Variants in TBC1D14 observed in about 807,000 individuals in gnomAD.
The protein encoded by TBC1D14 is TBC1 domain family member 14, also known as TBC1 domain family, member 14.
In TBC1D14, 26 loss-of-function variants were observed where a neutral mutation model predicts 79.0. That is an observed-to-expected ratio of 0.33 (90% CI 0.24 to 0.46). The LOEUF (loss-of-function observed/expected upper bound fraction) is 0.46, where lower values mean the gene tolerates loss of function less well. TBC1D14 is among the 20% of genes least tolerant of loss of function. The probability of loss-of-function intolerance (pLI) is 1.00; values close to 1 mark genes in which losing one functional copy is unlikely to be tolerated. For missense variants in TBC1D14, 769 were observed against 887.6 expected, an observed-to-expected ratio of 0.87 and a Z score of 1.70; for synonymous variants, 394 against 349.9, an observed-to-expected ratio of 1.13 and a Z score of -1.40.
intron 9 of TBC1D14, chr4:7,007,389 T>C (rs1413020067): frequency 4.6e-6 from 2 of 434,318 alleles, no homozygotes; most frequent in Admixed American, 6.7e-5. Flanking sequence ...AGACCTTCTA[T>C]TCTTTGAGCC....
Position 7,008,410 on chromosome 4 carries a change from T to G in TBC1D14, c.1447-1467T>G, listed in dbSNP as rs182246776. ...CTGTGTCCAAAAGCAGTTAAGGTCATTTATTATTTTTTCTTTTTTGAGACA... is the reference window on the plus strand; with the variant it reads ...CTGTGTCCAAAAGCAGTTAAGGTCAGTTATTATTTTTTCTTTTTTGAGACA... On this transcript the variant is annotated intron_variant, in intron 9 of 13. Transcript: ENST00000409757. 7.8e-4 allele frequency among the ~76,000 whole-genome samples: 119 copies of G among 152,270 alleles called. 1 individual carries two copies. The highest frequency in any genetic ancestry group is 1.1e-3 in the Non-Finnish European group (78 of 68,000).
chr4:6,915,798 A>G (rs917109474), intron 1 of TBC1D14, among the ~76,000 whole-genome samples: 5 of 151,926 alleles, frequency 3.3e-5, no homozygotes, highest in Non-Finnish European at 7.4e-5. Context: ...AGTAGGAATG[A>G]GCTGTGTGGG....
intron 5 of TBC1D14, 188 bp from the exon 6 acceptor site, chr4:6,998,897 T>C (rs1719364107): frequency 1.7e-6 from 1 of 580,420 alleles, no homozygotes; most frequent in African/African-American, 1.9e-5. Context: ...TTTGCAAGCT[T>C]ACTAAAGGGT....
At chr4:6,962,735 A>G (rs985943517) in intron 2 of TBC1D14, among the ~76,000 whole-genome samples, 2 of 151,486 alleles carry the variant, frequency 1.3e-5, no homozygotes, top group Admixed American at 6.6e-5. Context: ...CCCACTGCCC[A>G]TTACCCCTTC....
At chr4:6,969,299 A>C (rs1012375087) in intron 3 of TBC1D14, among the ~76,000 whole-genome samples, 9 of 152,246 alleles carry the variant, frequency 5.9e-5, no homozygotes, top group Non-Finnish European at 1.2e-4. Flanking sequence ...GTTTTTAAAG[A>C]AATCACTTTA....
rs141613084 is a variant in TBC1D14 at position 6,913,018 on chromosome 4, C to T, written c.-18+3067C>T. On this transcript the variant is annotated intron_variant, in intron 1 of 13. Coordinates refer to ENST00000409757, the MANE Select transcript of TBC1D14 (RefSeq NM_020773.3). ...TATTCTATTCTATTTTTTGAGACAGCGTTTCGCTCTTGTTGCCCAGGCTGG... is the reference window on the plus strand; with the variant it reads ...TATTCTATTCTATTTTTTGAGACAGTGTTTCGCTCTTGTTGCCCAGGCTGG... 8.4e-3 allele frequency among the ~76,000 whole-genome samples: 1,283 copies of T among 152,222 alleles called. 9 individuals carry two copies. The highest frequency in any genetic ancestry group is 0.029 in the South Asian group (139 of 4,822).
In TBC1D14 at chr4:6,963,578, A is replaced by G. The variant is rs1056510742; in HGVS notation, c.723-3726A>G. On this transcript the variant is annotated intron_variant, in intron 2 of 13. Coordinates refer to ENST00000409757, the MANE Select transcript of TBC1D14 (RefSeq NM_020773.3). ...CCCTTGGCCTCCCGGGCCCGGCCACAGCTACGCCAGGACTCCCGATGGCTT... is the reference window on the plus strand; with the variant it reads ...CCCTTGGCCTCCCGGGCCCGGCCACGGCTACGCCAGGACTCCCGATGGCTT... 4.3e-4 allele frequency among the ~76,000 whole-genome samples: 65 copies of G among 152,192 alleles called. 1 individual carries two copies. The highest frequency in any genetic ancestry group is 2.0e-4 in the Admixed American group (3 of 15,280).
Position 6,915,773 on chromosome 4 carries a change from C to G in TBC1D14, c.-18+5822C>G, listed in dbSNP as rs564597148. ...ATGTTGGCTCTGGGATCTGTATACC[C>G]TCAGGCCATCGTGGAGTAGGAATGA... is the stretch of plus-strand genomic sequence containing the variant. On this transcript the variant is annotated intron_variant, in intron 1 of 13. Coordinates refer to ENST00000409757, the MANE Select transcript of TBC1D14 (RefSeq NM_020773.3). Among the ~76,000 whole-genome samples, 4 of 152,150 alleles carry G rather than the reference C, an allele frequency of 2.6e-5. No individual in the cohort carries two copies. In the South Asian group the frequency reaches 8.3e-4, roughly 32 times the overall value.
intron 12 of TBC1D14, among the ~76,000 whole-genome samples, chr4:7,016,566 T>G (rs1721300280): frequency 6.6e-6 from 1 of 152,240 alleles, no homozygotes; most frequent in Non-Finnish European, 1.5e-5. Context: ...AAGTCAATAG[T>G]GTCTTTCAAA....
rs568664958 is a variant in TBC1D14 at position 6,939,980 on chromosome 4, C to G, written c.722+15869C>G. On this transcript the variant is annotated intron_variant, in intron 2 of 13. Coordinates refer to ENST00000409757, the MANE Select transcript of TBC1D14 (RefSeq NM_020773.3). Reference sequence around the variant, plus strand: ...TACACCAGGCTCCTTGAGAAATGGGCACCAGCGGCCTGTGCCCCTGGCTCC... The same window carrying G: ...TACACCAGGCTCCTTGAGAAATGGGGACCAGCGGCCTGTGCCCCTGGCTCC... Among the ~76,000 whole-genome samples the G allele has an allele frequency of 7.9e-5, 12 of 152,356 alleles. 1 individual carries two copies. The South Asian group carries it at 2.5e-3, about 32-fold the overall frequency.
intron 12 of TBC1D14, among the ~76,000 whole-genome samples, chr4:7,024,489 G>A (rs1233251339): frequency 1.3e-5 from 2 of 152,174 alleles, no homozygotes; most frequent in African/African-American, 2.4e-5. Context: ...TGCCGGACAG[G>A]GCACTAGATG....
At chr4:6,973,010 C>G (rs967572491) in intron 3 of TBC1D14, among the ~76,000 whole-genome samples, 5 of 152,066 alleles carry the variant, frequency 3.3e-5, no homozygotes, top group Non-Finnish European at 5.9e-5. Flanking sequence ...TGAGGTTGAG[C>G]GGAAAGTTAA....
intron 2 of TBC1D14, among the ~76,000 whole-genome samples, chr4:6,951,270 C>T (rs1393095520): frequency 3.3e-5 from 5 of 152,134 alleles, no homozygotes; most frequent in African/African-American, 1.2e-4. Context: ...CCAGCCTGGG[C>T]GGCAGAGCAA....
intron 10 of TBC1D14, 87 bp from the exon 11 acceptor site, chr4:7,010,564 GGT>G: frequency 6.7e-7 from 1 of 1,490,522 alleles, no homozygotes; most frequent in Non-Finnish European, 9.1e-7. Context: ...CTAGTGTGAG[GGT>G]GGTAGGTTTG....
chr4:6,994,311 A>C lies in TBC1D14; in HGVS notation c.962+9A>C. ...CTCGAGGACAGACCAGCGTGAGTTT[A>C]AGAAGACTCTCTTTAGAGTGTTTGC... On this transcript the variant is annotated intron_variant, in intron 4 of 13. Coordinates refer to ENST00000409757, the MANE Select transcript of TBC1D14 (RefSeq NM_020773.3). The C allele has an allele frequency of 6.2e-7, 1 of 1,610,760 alleles. No individual in the cohort carries two copies. Among genetic ancestry groups the C allele is most frequent in the Non-Finnish European group, 8.5e-7 (1 of 1,176,938 alleles).
At chr4:6,995,724 G>A (rs1718966511) in intron 4 of TBC1D14, 1 of 152,334 alleles carries the variant, frequency 6.6e-6, no homozygotes, top group African/African-American at 2.4e-5. Flanking sequence ...GTGTTAGTCA[G>A]GATGGTCTTT....
chr4:6,952,834 T>G (rs1260658966), intron 2 of TBC1D14, among the ~76,000 whole-genome samples: 1 of 151,802 alleles, frequency 6.6e-6, no homozygotes, highest in African/African-American at 2.4e-5. Flanking sequence ...AGACTAGTTT[T>G]TTTTTGTTGT....
At chr4:6,955,035 C>T (rs546344646) in intron 2 of TBC1D14, among the ~76,000 whole-genome samples, 1 of 152,246 alleles carries the variant, frequency 6.6e-6, no homozygotes, top group Admixed American at 6.5e-5. Flanking sequence ...AGTGATTGAT[C>T]ATGGTAATAG....
intron 12 of TBC1D14, among the ~76,000 whole-genome samples, chr4:7,020,588 T>A (rs10025310): frequency 6.1e-4 from 93 of 152,256 alleles, no homozygotes; most frequent in Middle Eastern, 3.4e-3. Context: ...AGGTCCAAGT[T>A]GCTGGTTTTG....
Sources: gnomAD v4.1 joint callset for allele counts (sites outside exome capture counted in the v4.1 genomes callset) on GRCh38, gnomAD v4.1.1 for gene constraint, MANE v1.5 for transcripts, NCBI Gene and HGNC (gene_info 2026-07-23, HGNC 2026-07-21) for gene names.